Variants in SMARCA2 observed in about 807,000 individuals in gnomAD.
The protein encoded by SMARCA2 is SWI/SNF-related matrix-associated actin-dependent regulator of chromatin subfamily A member 2.
SMARCA2 carries 61 observed loss-of-function variants against 199.8 expected under a neutral mutation model. The ratio of observed to expected loss-of-function variants is 0.31; its 90% confidence interval spans 0.25 to 0.38. SMARCA2 has a LOEUF of 0.38. Among genes scored for constraint, SMARCA2 ranks in the 10% least tolerant of loss-of-function variants. The pLI is 1.00. For missense variants in SMARCA2, 1,344 were observed against 2,012.2 expected, an observed-to-expected ratio of 0.67 and a Z score of 6.35; for synonymous variants, 935 against 732.0, an observed-to-expected ratio of 1.28 and a Z score of -4.48.
rs550135670 is a variant in SMARCA2, at chr9:2,119,764, C to T, written c.3762+229C>T. Among the ~76,000 whole-genome samples the T allele has an allele frequency of 6.6e-6, 1 of 152,224 alleles. No individual in the cohort carries two copies. The highest frequency in any genetic ancestry group is 2.4e-5 in the African/African-American group (1 of 41,470). ...ATTCATTGCCAACATAAAAAAGAATCCTGATTTCTGGCTTCTCTTGAAAAA... is the reference window on the plus strand; with the variant it reads ...ATTCATTGCCAACATAAAAAAGAATTCTGATTTCTGGCTTCTCTTGAAAAA... On this transcript the variant is annotated intron_variant, in intron 26 of 33. Coordinates refer to ENST00000349721, the MANE Select transcript of SMARCA2 (RefSeq NM_003070.5). This position sits in a 1 kb window ranked among gnomAD's most constrained non-coding sequence, Gnocchi z 4.6.
At position 2,056,635 on chromosome 9, in the gene SMARCA2, G is replaced by C. The variant is rs1820366698; in HGVS notation, c.1174-37G>C. On this transcript the variant is annotated intron_variant, in intron 6 of 33. Transcript: ENST00000349721. The surrounding 1 kb of genome is among the most constrained non-coding windows in gnomAD (Gnocchi z 4.0). Reference sequence around the variant, plus strand: ...GCCAGAGTTCAGGAACCTAGCTTCTGTTAGGGAAGGCTGTCTAACTGCTCT... The same window carrying C: ...GCCAGAGTTCAGGAACCTAGCTTCTCTTAGGGAAGGCTGTCTAACTGCTCT... 1.9e-6 allele frequency: 3 copies of C among 1,588,944 alleles called. No homozygotes were observed. The highest frequency in any genetic ancestry group is 2.6e-6 in the Non-Finnish European group (3 of 1,168,864).
intron 27 of SMARCA2, among the ~76,000 whole-genome samples, chr9:2,133,470 A>G (rs952141927): frequency 3.3e-5 from 5 of 151,874 alleles, no homozygotes; most frequent in African/African-American, 1.2e-4. Context: ...TTTTGTACAG[A>G]CAGGATGTCA....
Position 2,039,420 on chromosome 9 carries a change from G to C in SMARCA2, c.356-46G>C, listed in dbSNP as rs959492817. The C allele has an allele frequency of 1.9e-6, 3 of 1,577,046 alleles. No homozygotes were observed. The highest frequency in any genetic ancestry group is 2.6e-6 in the Non-Finnish European group (3 of 1,159,318). On this transcript the variant is annotated intron_variant, in intron 3 of 33. Coordinates refer to ENST00000349721, the MANE Select transcript of SMARCA2 (RefSeq NM_003070.5). This position sits in a 1 kb window ranked among gnomAD's most constrained non-coding sequence, Gnocchi z 4.8. ...AGTATTCAGGGATATCTCTCTTTCAGGGTTGTCAGGGGCAGCCTGTGATTT... is the reference window on the plus strand; with the variant it reads ...AGTATTCAGGGATATCTCTCTTTCACGGTTGTCAGGGGCAGCCTGTGATTT...
chr9:2,070,636 A>T (rs1821049816), intron 10 of SMARCA2, among the ~76,000 whole-genome samples, 165 bp downstream of exon 10: 1 of 152,256 alleles, frequency 6.6e-6, no homozygotes, highest in Non-Finnish European at 1.5e-5. Flanking sequence ...TACAAAAGGG[A>T]TACAGTGAAA....
At chr9:2,121,625 G>A (rs1267051224) in intron 26 of SMARCA2, among the ~76,000 whole-genome samples, 1 of 152,156 alleles carries the variant, frequency 6.6e-6, no homozygotes, top group Non-Finnish European at 1.5e-5. Context: ...AAAAGAGTGA[G>A]TTCTCTATAA....
intron 2 of SMARCA2, 151 bp downstream of exon 2, chr9:2,029,398 T>G: frequency 8.8e-7 from 1 of 1,141,978 alleles, no homozygotes; most frequent in Admixed American, 2.8e-5. Context: ...AAACGCATAT[T>G]GTGAGGTACT....
chr9:2,136,872 T>G lies in SMARCA2; in HGVS notation c.3981+12935T>G, dbSNP rs116414995. ...AGAGTTTAAACAACACATATTTTAC[T>G]TAATGCTAGAATTTTAGTGTCATTC... On this transcript the variant is annotated intron_variant, in intron 27 of 33. Transcript: ENST00000349721. Among the ~76,000 whole-genome samples the G allele has an allele frequency of 4.4e-3, 677 of 152,298 alleles. 5 individuals carry two copies. The highest frequency in any genetic ancestry group is 0.015 in the African/African-American group (639 of 41,550).
Position 2,161,879 on chromosome 9 carries a change from A to G in SMARCA2, c.4175A>G (p.Asp1392Gly). Residue 1392 changes from aspartate (D) to glycine (G), a missense_variant, in exon 28 of 34, where the codon GAT (aspartate) becomes GGT (glycine). This residue lies in a region of SMARCA2 where 151 missense variants were observed against 154.0 expected (regional missense o/e 0.98). Transcript: ENST00000349721. This position sits in a 1 kb window ranked among gnomAD's most constrained non-coding sequence, Gnocchi z 4.7. ...ACAAAGCAGATGAACGCTATCATCG[A>G]TACTGTGATAAACTACAAAGATAGG... ...KLTKQMNAII[D>G]TVINYKDRCN... 6.2e-7 allele frequency: 1 copy of G among 1,613,988 alleles called. No homozygotes were observed. Among genetic ancestry groups the G allele is most frequent in the Non-Finnish European group, 8.5e-7 (1 of 1,179,862 alleles).
chr9:2,097,368 T>G lies in SMARCA2; in HGVS notation c.2992-17T>G. The G allele has an allele frequency of 6.5e-7, 1 of 1,533,592 alleles. No homozygotes were observed. 95.0% of individuals were successfully genotyped at this position (1,533,592 alleles called of 1,614,324 possible). ...GTTAATAATTAATTCTATTTTTCCC[T>G]TTCCACTGGTTCTTAGGGGAAAGGA... On this transcript the variant is annotated splice_polypyrimidine_tract_variant and intron_variant, in intron 20 of 33. Coordinates refer to ENST00000349721, the MANE Select transcript of SMARCA2 (RefSeq NM_003070.5).
rs1377384640 is a variant in SMARCA2 at position 2,056,855 on chromosome 9, C to T, written c.1347+10C>T. 4 of 1,607,444 alleles carry T rather than the reference C, an allele frequency of 2.5e-6. No homozygotes were observed. In the East Asian group the frequency reaches 6.7e-5, roughly 27 times the overall value. ...CCGTCAGAAACACCAGGTTCTTAGACCCTGGGCTTTGCTCACCCTCACTTT... is the reference window on the plus strand; with the variant it reads ...CCGTCAGAAACACCAGGTTCTTAGATCCTGGGCTTTGCTCACCCTCACTTT... On this transcript the variant is annotated intron_variant, in intron 7 of 33. Coordinates refer to ENST00000349721, the MANE Select transcript of SMARCA2 (RefSeq NM_003070.5). This position sits in a 1 kb window ranked among gnomAD's most constrained non-coding sequence, Gnocchi z 4.0.
intron 27 of SMARCA2, chr9:2,158,556 T>A (rs2130744089): frequency 6.0e-6 from 1 of 166,952 alleles, no homozygotes; most frequent in South Asian, 2.0e-4. Context: ...AACTGGGGGT[T>A]TGCTTCTGTG....
chr9:2,147,407 A>C (rs1824816657), intron 27 of SMARCA2, among the ~76,000 whole-genome samples: 1 of 152,228 alleles, frequency 6.6e-6, no homozygotes, highest in Non-Finnish European at 1.5e-5. Flanking sequence ...ATGTACATGT[A>C]ATTTTTAATT....
Position 2,032,993 on chromosome 9 carries a change from C to T in SMARCA2, c.267C>T (p.Ile89=), listed in dbSNP as rs765136584. The change falls in exon 3 of 34, where the codon ATC becomes ATT. Residue 89 remains isoleucine (I), a synonymous_variant. Transcript: ENST00000349721. ...GIHDKGIVED[I]HCGSMKGTGM... is the part of the protein sequence containing the mutation. ...ATGACAAGGGGATTGTAGAAGACAT[C>T]CATTGTGGATCCATGAAGGGCACTG... is the stretch of plus-strand genomic sequence containing the variant. 3.1e-6 allele frequency: 5 copies of T among 1,613,936 alleles called. No individual in the cohort carries two copies. The South Asian group carries it at 5.5e-5, about 18-fold the overall frequency.
chr9:2,108,237 G>A (rs1822847519), intron 23 of SMARCA2, among the ~76,000 whole-genome samples: 1 of 152,164 alleles, frequency 6.6e-6, no homozygotes, highest in South Asian at 2.1e-4. Flanking sequence ...CAAAGTTCCT[G>A]AAAAACAACT....
rs1823354010 is a variant in SMARCA2 at position 2,119,437 on chromosome 9, T to C, written c.3685-21T>C. The C allele has an allele frequency of 6.4e-7, 1 of 1,568,440 alleles. No individual in the cohort carries two copies. The highest frequency in any genetic ancestry group is 8.8e-7 in the Non-Finnish European group (1 of 1,138,262). ...TGCCCCAGCTGTCCACTGGTTAAAATCACTCTGTTTTTAACCCCAGGAAGA... is the reference window on the plus strand; with the variant it reads ...TGCCCCAGCTGTCCACTGGTTAAAACCACTCTGTTTTTAACCCCAGGAAGA... On this transcript the variant is annotated intron_variant, in intron 25 of 33. Coordinates refer to ENST00000349721, the MANE Select transcript of SMARCA2 (RefSeq NM_003070.5). This position sits in a 1 kb window ranked among gnomAD's most constrained non-coding sequence, Gnocchi z 4.6.
intron 1 of SMARCA2, among the ~76,000 whole-genome samples, chr9:2,028,043 T>G (rs1263675826): frequency 6.6e-6 from 1 of 152,222 alleles, no homozygotes; most frequent in Non-Finnish European, 1.5e-5. Context: ...CCTTGGAGTG[T>G]GGGTGGTGGA....
intron 29 of SMARCA2, among the ~76,000 whole-genome samples, chr9:2,177,394 A>G (rs1826683204): frequency 6.6e-6 from 1 of 152,202 alleles, no homozygotes; most frequent in Non-Finnish European, 1.5e-5. Flanking sequence ...AGCTATGGTT[A>G]AGATTTCTTT....
chr9:2,169,592 G>A lies in SMARCA2; in HGVS notation c.4200-827G>A, dbSNP rs567917606. ...CCCACACTGACTCTAGAGCAGAATG[G>A]GGCAGTGACTCCGAGAAGGGATTTA... On this transcript the variant is annotated intron_variant, in intron 28 of 33. Transcript: ENST00000349721. This position sits in a 1 kb window ranked among gnomAD's most constrained non-coding sequence, Gnocchi z 6.5. Among the ~76,000 whole-genome samples the A allele has an allele frequency of 1.2e-4, 18 of 152,216 alleles. No individual in the cohort carries two copies. Among genetic ancestry groups the A allele is most frequent in the Non-Finnish European group, 2.4e-4 (16 of 68,004 alleles).
In SMARCA2 at chr9:2,016,917, G is replaced by T. The variant is rs1017491352; in HGVS notation, c.-37+1513G>T. ...ATGCACTTCCCTAAATAACCGGTCC[G>T]GCGCGCCAGCCCCTCGGCGCCCTCC... On this transcript the variant is annotated intron_variant, in intron 1 of 33. Transcript: ENST00000349721. The surrounding 1 kb of genome is among the most constrained non-coding windows in gnomAD (Gnocchi z 5.6). Among the ~76,000 whole-genome samples the T allele has an allele frequency of 6.6e-6, 1 of 152,160 alleles. No homozygotes were observed.
Sources: allele counts gnomAD v4.1 joint callset (sites outside exome capture counted in the v4.1 genomes callset), GRCh38; gene constraint gnomAD v4.1.1; regional missense constraint gnomAD v4.1.1; non-coding constraint Gnocchi (gnomAD v3.1); transcripts MANE v1.5; gene names NCBI Gene and HGNC (gene_info 2026-07-23, HGNC 2026-07-21).